The following GFRA2 variants were observed in gnomAD, a reference collection of about 807,000 sequenced individuals.
The protein encoded by GFRA2 is GDNF family receptor alpha 2, also known as GDNF family receptor alpha-2.
In GFRA2, 17 loss-of-function variants were observed where a neutral mutation model predicts 48.3. That is an observed-to-expected ratio of 0.35 (90% CI 0.24 to 0.53). The LOEUF (loss-of-function observed/expected upper bound fraction) is 0.53, where lower values mean the gene tolerates loss of function less well. Ranked by LOEUF, GFRA2 falls within the 20% of genes least tolerant of loss-of-function variation. The probability of loss-of-function intolerance (pLI) is 0.93; values close to 1 mark genes in which losing one functional copy is unlikely to be tolerated. For missense variants in GFRA2, 660 were observed against 637.3 expected (o/e 1.04, Z -0.38); for synonymous variants, 305 against 257.2 (o/e 1.19, Z -1.78).
chr8:21,759,441 G>A lies in GFRA2; in HGVS notation c.440-8499C>T, dbSNP rs904096977. Among the ~76,000 whole-genome samples, 77 of 83,204 alleles carry A rather than the reference G, an allele frequency of 9.3e-4. 1 individual carries two copies. Among genetic ancestry groups the A allele is most frequent in the Admixed American group, 2.9e-3 (24 of 8,190 alleles). The allele number at this position is 83,204 out of a possible 152,430, so 54.6% of individuals were successfully genotyped here. On this transcript the variant is annotated intron_variant, in intron 3 of 8. Transcript: ENST00000524240. The stretch of plus-strand genomic sequence containing the variant: ...AAGAGGGAAAGAGGGAAAGAGGGAG[G>A]GAGAGAGGGAGAGAGGGAGGGAGGG...
intron 4 of GFRA2, among the ~76,000 whole-genome samples, chr8:21,717,766 T>C (rs968071309): frequency 2.0e-5 from 3 of 152,144 alleles, no homozygotes; most frequent in African/African-American, 7.2e-5. Flanking sequence ...AACTTGCAGG[T>C]TGGAGAAAGA....
At chr8:21,735,791 T>C (rs1804430185) in intron 4 of GFRA2, among the ~76,000 whole-genome samples, 1 of 151,676 alleles carries the variant, frequency 6.6e-6, no homozygotes, top group Non-Finnish European at 1.5e-5. Context: ...CTCAGCTTCC[T>C]GAGTAGCCGG....
chr8:21,766,436 G>A lies in GFRA2; in HGVS notation c.439+8536C>T, dbSNP rs1337598009. Among the ~76,000 whole-genome samples, 3 of 151,938 alleles carry A rather than the reference G, an allele frequency of 2.0e-5. No homozygotes were observed. In the East Asian group the frequency reaches 5.8e-4, roughly 29 times the overall value. ...GATGTATCCTCAGCACCTCGAACAA[G>A]GCATGGCCCGCAGAGGGTGCTCAGT... On this transcript the variant is annotated intron_variant, in intron 3 of 8. Coordinates refer to ENST00000524240, the MANE Select transcript of GFRA2 (RefSeq NM_001495.5).
intron 3 of GFRA2, among the ~76,000 whole-genome samples, chr8:21,761,384 C>T (rs1254244584): frequency 6.6e-6 from 1 of 152,200 alleles, no homozygotes; most frequent in Non-Finnish European, 1.5e-5. Flanking sequence ...GGAAACTTTC[C>T]CCTTTGGGTG....
intron 3 of GFRA2, among the ~76,000 whole-genome samples, chr8:21,756,558 T>C (rs10092030): frequency 0.19 from 29,151 of 152,052 alleles, 4,680 homozygotes; most frequent in African/African-American, 0.44. Flanking sequence ...TGGACACACA[T>C]TCCTTCTGAG....
chr8:21,796,962 T>A (rs1378713733), intron 2 of GFRA2, among the ~76,000 whole-genome samples: 2 of 152,136 alleles, frequency 1.3e-5, no homozygotes, highest in African/African-American at 4.8e-5. Context: ...CTTTCTGAAA[T>A]CAGTATCTCT....
At chr8:21,769,159 A>G in intron 3 of GFRA2, 1 of 984,372 alleles carries the variant, frequency 1.0e-6, no homozygotes, top group Non-Finnish European at 1.2e-6. Context: ...TGATTCTCTT[A>G]CAGCAGTGGT....
intron 4 of GFRA2, among the ~76,000 whole-genome samples, chr8:21,710,074 G>C (rs919990894): frequency 2.6e-5 from 4 of 152,172 alleles, no homozygotes; most frequent in Admixed American, 6.5e-5. Context: ...AGAGGGGAGG[G>C]GCAGACCCAG....
chr8:21,760,172 G>T (rs956810841), intron 3 of GFRA2, among the ~76,000 whole-genome samples: 2 of 152,196 alleles, frequency 1.3e-5, no homozygotes, highest in Admixed American at 1.3e-4. Flanking sequence ...ACAGTCAGGG[G>T]AGACCTTGCG....
At chr8:21,707,051 C>T (rs1297272585) in intron 4 of GFRA2, among the ~76,000 whole-genome samples, 2 of 152,196 alleles carry the variant, frequency 1.3e-5, no homozygotes, top group Non-Finnish European at 2.9e-5. Flanking sequence ...ACACACACAG[C>T]CCTCATGTAT....
chr8:21,809,289 T>A (rs893999928), intron 1 of GFRA2, among the ~76,000 whole-genome samples: 4 of 152,196 alleles, frequency 2.6e-5, no homozygotes, highest in African/African-American at 7.2e-5. Flanking sequence ...TGCAGATGTA[T>A]CTCCTTTGGC....
chr8:21,762,582 A>C (rs1805967372), intron 3 of GFRA2, among the ~76,000 whole-genome samples: 1 of 152,244 alleles, frequency 6.6e-6, no homozygotes, highest in Admixed American at 6.5e-5. Flanking sequence ...CGAATGGCAA[A>C]TACACTGAAC....
intron 3 of GFRA2, among the ~76,000 whole-genome samples, chr8:21,758,212 C>G (rs1805681021): frequency 6.6e-6 from 1 of 152,064 alleles, no homozygotes; most frequent in Non-Finnish European, 1.5e-5. Context: ...TCCCCACACA[C>G]ACACACACAC....
At chr8:21,715,490 G>A (rs1803286291) in intron 4 of GFRA2, among the ~76,000 whole-genome samples, 1 of 152,192 alleles carries the variant, frequency 6.6e-6, no homozygotes, top group African/African-American at 2.4e-5. Flanking sequence ...TGTATTTTTA[G>A]TAGAGACGGG....
At chr8:21,718,829 G>T (rs1051906396) in intron 4 of GFRA2, among the ~76,000 whole-genome samples, 4 of 152,164 alleles carry the variant, frequency 2.6e-5, no homozygotes, top group Non-Finnish European at 5.9e-5. Context: ...GAAGACTTAG[G>T]TTCAAATCCT....
intron 7 of GFRA2, among the ~76,000 whole-genome samples, chr8:21,696,937 G>A (rs1436870134): frequency 2.9e-4 from 39 of 133,628 alleles, no homozygotes; most frequent in African/African-American, 9.3e-4. Context: ...GAAGGGGACA[G>A]AGGAAGGGGG....
chr8:21,696,763 G>C (rs1346969376), intron 7 of GFRA2, among the ~76,000 whole-genome samples: 1 of 152,096 alleles, frequency 6.6e-6, no homozygotes, highest in Non-Finnish European at 1.5e-5. Context: ...GAGTGGAGGG[G>C]ACACTGGCAA....
chr8:21,703,526 G>A (rs991834252), intron 6 of GFRA2, among the ~76,000 whole-genome samples: 3 of 152,112 alleles, frequency 2.0e-5, no homozygotes, highest in Non-Finnish European at 2.9e-5. Flanking sequence ...GAAAATCTCC[G>A]CCTCCACGAG....
At chr8:21,751,966 C>A (rs182670002) in intron 3 of GFRA2, among the ~76,000 whole-genome samples, 9 of 152,254 alleles carry the variant, frequency 5.9e-5, no homozygotes, top group Admixed American at 2.6e-4. Flanking sequence ...CAGCCATCGG[C>A]GTTCAACTCC....
Sources: gnomAD v4.1 joint callset for allele counts (sites outside exome capture counted in the v4.1 genomes callset) on GRCh38, gnomAD v4.1.1 for gene constraint, MANE v1.5 for transcripts, NCBI Gene and HGNC (gene_info 2026-07-23, HGNC 2026-07-21) for gene names.